Variants in KCNIP4 observed in about 807,000 individuals in gnomAD.
KCNIP4 encodes the protein Kv channel-interacting protein 4.
In KCNIP4, 12 loss-of-function variants were observed where a neutral mutation model predicts 34.0. That is an observed-to-expected ratio of 0.35 (90% confidence interval 0.23 to 0.57). The LOEUF (loss-of-function observed/expected upper bound fraction) is 0.57, where lower values mean the gene tolerates loss of function less well. Among genes scored for constraint, KCNIP4 ranks in the 20% least tolerant of loss-of-function variants. KCNIP4 has a pLI of 0.83. For synonymous variants in KCNIP4, 124 were observed against 102.2 expected (o/e 1.21, Z -1.29); for missense variants, 238 against 311.7 (o/e 0.76, Z 1.78).
At position 21,623,910 on chromosome 4, in the gene KCNIP4, A is replaced by G. The variant is rs150377935; in HGVS notation, c.61+324661T>C. Among the ~76,000 whole-genome samples, 264 of 152,326 alleles carry G rather than the reference A, an allele frequency of 1.7e-3. 1 individual carries two copies. The highest frequency in any genetic ancestry group is 2.8e-3 in the Admixed American group (43 of 15,304). On this transcript the variant is annotated intron_variant, in intron 1 of 8. Coordinates refer to ENST00000382152, the MANE Select transcript of KCNIP4 (RefSeq NM_025221.6). ...AGAACAAGTCAAAGTATTTATTGAG[A>G]AAGAGTGGAATTTGAATAATAACCT...
At chr4:21,457,354 T>C (rs939369316) in intron 1 of KCNIP4, among the ~76,000 whole-genome samples, 1 of 152,030 alleles carries the variant, frequency 6.6e-6, no homozygotes, top group African/African-American at 2.4e-5. Context: ...TAATGCCTTT[T>C]AGCGTGCCAG....
At chr4:21,806,035 C>G (rs1259705794) in intron 1 of KCNIP4, among the ~76,000 whole-genome samples, 3 of 152,174 alleles carry the variant, frequency 2.0e-5, no homozygotes, top group African/African-American at 4.8e-5. Context: ...TGGTTTTCTT[C>G]TGACATATAA....
Position 21,863,006 on chromosome 4 carries a change from C to CCTTAAGT in KCNIP4, c.61+85558_61+85564dup, listed in dbSNP as rs1336231513. Among the ~76,000 whole-genome samples the CCTTAAGT allele has an allele frequency of 2.6e-5, 4 of 151,892 alleles. No individual in the cohort carries two copies. The East Asian group carries it at 7.7e-4, about 29-fold the overall frequency. ...TTAAGGTAGAATTCTCAAACATTCACCTTAAGTGATTTTTTTTCCCATACT... is the reference window on the plus strand; with the variant it reads ...TTAAGGTAGAATTCTCAAACATTCACCTTAAGTCTTAAGTGATTTTTTTTCCCATACT... On this transcript the variant is annotated intron_variant, in intron 1 of 8. Coordinates refer to ENST00000382152, the MANE Select transcript of KCNIP4 (RefSeq NM_025221.6).
At chr4:20,825,917 A>G (rs537219677) in intron 3 of KCNIP4, among the ~76,000 whole-genome samples, 1 of 152,360 alleles carries the variant, frequency 6.6e-6, no homozygotes, top group South Asian at 2.1e-4. Flanking sequence ...GTTTTGGGGT[A>G]GAAGGGATCT....
At chr4:21,167,872 T>G (rs1035673720) in intron 1 of KCNIP4, among the ~76,000 whole-genome samples, 4 of 152,202 alleles carry the variant, frequency 2.6e-5, no homozygotes, top group African/African-American at 9.6e-5. Context: ...TTGCATTCAC[T>G]TATTTTCTTT....
chr4:20,903,646 G>T lies in KCNIP4; in HGVS notation c.62-20937C>A, dbSNP rs147544614. Among the ~76,000 whole-genome samples the T allele has an allele frequency of 7.8e-3, 1,184 of 152,188 alleles. 19 individuals carry two copies. The highest frequency in any genetic ancestry group is 0.027 in the African/African-American group (1,114 of 41,536). On this transcript the variant is annotated intron_variant, in intron 1 of 8. Coordinates refer to ENST00000382152, the MANE Select transcript of KCNIP4 (RefSeq NM_025221.6). ...AACCAAACGAATGTACTTCTTAAGT[G>T]TATTTGATTGATGTCTAATGCCTCT... is the stretch of plus-strand genomic sequence containing the variant.
intron 1 of KCNIP4, among the ~76,000 whole-genome samples, chr4:21,225,083 GC>G (rs1262153636): frequency 6.6e-6 from 1 of 152,160 alleles, no homozygotes; most frequent in Non-Finnish European, 1.5e-5. Flanking sequence ...TATCTGGTAA[GC>G]AAAGTGCATT....
At chr4:21,277,522 C>G (rs1474596079) in intron 1 of KCNIP4, among the ~76,000 whole-genome samples, 1 of 152,074 alleles carries the variant, frequency 6.6e-6, no homozygotes, top group East Asian at 1.9e-4. Context: ...ATAAACAACT[C>G]TCATAAATTC....
chr4:21,317,789 C>G (rs545582550), intron 1 of KCNIP4, among the ~76,000 whole-genome samples: 108 of 152,240 alleles, frequency 7.1e-4, no homozygotes, highest in Non-Finnish European at 1.1e-3. Flanking sequence ...CCATGCTGTT[C>G]TCATGATAGT....
chr4:21,075,288 T>C (rs907426340), intron 1 of KCNIP4, among the ~76,000 whole-genome samples: 21 of 152,276 alleles, frequency 1.4e-4, no homozygotes, highest in Non-Finnish European at 2.4e-4. Flanking sequence ...TCTTTGTAGG[T>C]CTCTAAGGAC....
At chr4:20,913,366 A>G (rs1486161103) in intron 1 of KCNIP4, among the ~76,000 whole-genome samples, 1 of 152,204 alleles carries the variant, frequency 6.6e-6, no homozygotes, top group Non-Finnish European at 1.5e-5. Context: ...GATGAATGTT[A>G]GCCAGGAACT....
intron 3 of KCNIP4, among the ~76,000 whole-genome samples, chr4:20,801,344 G>A (rs1431686803): frequency 2.0e-5 from 3 of 151,460 alleles, no homozygotes; most frequent in South Asian, 2.1e-4. Context: ...AAGTATATAT[G>A]CAACTATAAA....
At chr4:21,898,179 C>G (rs1239258911) in intron 1 of KCNIP4, among the ~76,000 whole-genome samples, 1 of 152,108 alleles carries the variant, frequency 6.6e-6, no homozygotes, top group Non-Finnish European at 1.5e-5. Context: ...CTGGGGTCCT[C>G]AATCAACTTG....
At chr4:21,319,421 A>G (rs1714140494) in intron 1 of KCNIP4, among the ~76,000 whole-genome samples, 1 of 152,220 alleles carries the variant, frequency 6.6e-6, no homozygotes, top group Non-Finnish European at 1.5e-5. Flanking sequence ...GTCTAAATCC[A>G]TAGTTTATTC....
intron 1 of KCNIP4, among the ~76,000 whole-genome samples, chr4:20,963,538 A>G (rs867634980): frequency 2.0e-5 from 3 of 152,142 alleles, no homozygotes; most frequent in African/African-American, 7.2e-5. Flanking sequence ...CTCTTAGGAA[A>G]GGTGCTATGT....
At chr4:21,449,665 CT>C (rs1002309049) in intron 1 of KCNIP4, among the ~76,000 whole-genome samples, 3 of 151,154 alleles carry the variant, frequency 2.0e-5, no homozygotes, top group Non-Finnish European at 4.4e-5. Context: ...ACTTTTTACT[CT>C]TTTTAAAGTT....
chr4:21,454,592 T>A (rs1450193158), intron 1 of KCNIP4, among the ~76,000 whole-genome samples: 1 of 152,074 alleles, frequency 6.6e-6, no homozygotes, highest in Non-Finnish European at 1.5e-5. Flanking sequence ...AAGTAGATAA[T>A]CCTTCTCAAT....
chr4:21,661,555 T>C (rs1197253680), intron 1 of KCNIP4, among the ~76,000 whole-genome samples: 1 of 152,122 alleles, frequency 6.6e-6, no homozygotes, highest in Non-Finnish European at 1.5e-5. Context: ...CAGGGAACTC[T>C]CCCATTTCAA....
At chr4:21,429,076 T>G (rs907199485) in intron 1 of KCNIP4, among the ~76,000 whole-genome samples, 2 of 152,212 alleles carry the variant, frequency 1.3e-5, no homozygotes, top group African/African-American at 4.8e-5. Context: ...ATATCCACTA[T>G]TATAGTATCA....
Sources: gnomAD v4.1 joint callset for allele counts (sites outside exome capture counted in the v4.1 genomes callset) on GRCh38, gnomAD v4.1.1 for gene constraint, MANE v1.5 for transcripts, NCBI Gene and HGNC (gene_info 2026-07-23, HGNC 2026-07-21) for gene names.